Variants in CNTN3 observed in about 807,000 individuals in gnomAD.
The protein encoded by CNTN3 is contactin-3.
CNTN3 carries 60 observed loss-of-function variants against 119.1 expected under a neutral mutation model. The observed-to-expected ratio is 0.50, with a 90% confidence interval of 0.41 to 0.62. The LOEUF (loss-of-function observed/expected upper bound fraction) is 0.62. CNTN3 is among the 20% of genes least tolerant of loss of function. The pLI is 0.00. For missense variants in CNTN3, 1,101 were observed against 1,242.4 expected, an observed-to-expected ratio of 0.89 and a Z score of 1.71; for synonymous variants, 450 against 438.7, an observed-to-expected ratio of 1.03 and a Z score of -0.32.
At chr3:74,531,050 C>A (rs564882026) in intron 1 of CNTN3, among the ~76,000 whole-genome samples, 1 of 151,838 alleles carries the variant, frequency 6.6e-6, no homozygotes, top group African/African-American at 2.4e-5. Context: ...TTGGAATTAC[C>A]GAGTTAGGAG....
In CNTN3 at chr3:74,364,722, C is replaced by G. The variant is rs73841834; in HGVS notation, c.1084-126G>C. ...TTCTGAGAGTATTAGACAGGATGGC[C>G]TGAAATTTAACCTTTTCCTTATTTT... On this transcript the variant is annotated intron_variant, in intron 9 of 22. Transcript: ENST00000263665. 6.6e-4 allele frequency: 462 copies of G among 698,728 alleles called. No homozygotes were observed. The African/African-American group carries it at 7.5e-3, about 11-fold the overall frequency. 43.3% of individuals were successfully genotyped at this position (698,728 alleles called of 1,614,324 possible).
At chr3:74,424,696 TTCCTCATATTCCAAC>T in intron 5 of CNTN3, 134 bp downstream of exon 5, 2 of 697,244 alleles carry the variant, frequency 2.9e-6, no homozygotes, top group Non-Finnish European at 5.1e-6. Flanking sequence ...TTTTGTAGTG[TTCCTCATATTCCAAC>T]TCAGCAGACA....
At chr3:74,582,467 T>C (rs992373709) in intron 1 of CNTN3, among the ~76,000 whole-genome samples, 3 of 151,926 alleles carry the variant, frequency 2.0e-5, no homozygotes, top group African/African-American at 7.3e-5. Context: ...ATATTAGCAG[T>C]ACACTTTTAT....
intron 13 of CNTN3, among the ~76,000 whole-genome samples, chr3:74,320,468 T>C (rs1015021585): frequency 2.0e-5 from 3 of 151,428 alleles, no homozygotes; most frequent in Admixed American, 6.6e-5. Context: ...AATTGAACAA[T>C]GAGAACACAT....
chr3:74,286,468 T>A (rs78507002), intron 19 of CNTN3, among the ~76,000 whole-genome samples: 1 of 151,946 alleles, frequency 6.6e-6, no homozygotes, highest in Non-Finnish European at 1.5e-5. Flanking sequence ...ATTAAAAAAA[T>A]AAAATCAATG....
At chr3:74,603,589 CA>C (rs996614396) in intron 1 of CNTN3, among the ~76,000 whole-genome samples, 2 of 151,912 alleles carry the variant, frequency 1.3e-5, no homozygotes, top group Non-Finnish European at 2.9e-5. Flanking sequence ...TATACAACAA[CA>C]AAAAAGATAT....
rs1415839761 is a variant in CNTN3 at position 74,371,377 on chromosome 3, G to T, written c.477C>A (p.Phe159Leu). The change falls in exon 6 of 23, where the codon TTC becomes TTA. Residue 159 changes from phenylalanine to leucine, a missense_variant. Physicochemically the swap from Phe to Leu is conservative, Grantham distance 22. Transcript: ENST00000263665. Reference sequence around the variant, plus strand: ...CTTCAACAAACGATGGGTATTCATTGAAGATCCAAGCATATGACAGTTCTA... The same window carrying T: ...CTTCAACAAACGATGGGTATTCATTTAAGATCCAAGCATATGACAGTTCTA... ...HSGELSYAWIFNEYPSFVEED... is the reference protein window; with the variant it reads ...HSGELSYAWILNEYPSFVEED... 1 of 1,613,002 alleles carries T rather than the reference G, an allele frequency of 6.2e-7. No homozygotes were observed. Among genetic ancestry groups the T allele is most frequent in the Non-Finnish European group, 8.5e-7 (1 of 1,179,270 alleles).
chr3:74,285,390 C>A lies in CNTN3; in HGVS notation c.2619G>T (p.Leu873=). The part of the protein sequence containing the change: ...SARLRGLKSN[L]AYYTAVRAYN... Reference sequence around the variant, plus strand: ...AAGCCCGGACAGCCGTGTAATAGGCCAGGTTGCTCTTCAGGCCCCGTAGTC... The same window carrying A: ...AAGCCCGGACAGCCGTGTAATAGGCAAGGTTGCTCTTCAGGCCCCGTAGTC... Residue 873 remains leucine (L), a synonymous_variant, in exon 20 of 23, where the codon CTG becomes CTT. Transcript: ENST00000263665. 6.2e-7 allele frequency: 1 copy of A among 1,613,698 alleles called. No homozygotes were observed. Among genetic ancestry groups the A allele is most frequent in the Non-Finnish European group, 8.5e-7 (1 of 1,179,804 alleles).
intron 7 of CNTN3, among the ~76,000 whole-genome samples, chr3:74,369,615 A>T (rs1360607071): frequency 2.0e-5 from 3 of 151,588 alleles, no homozygotes; most frequent in Admixed American, 6.6e-5. Flanking sequence ...CAGACCCACC[A>T]TATTAGATTA....
chr3:74,503,908 C>T (rs1427861647), intron 2 of CNTN3, among the ~76,000 whole-genome samples: 1 of 151,956 alleles, frequency 6.6e-6, no homozygotes, highest in African/African-American at 2.4e-5. Flanking sequence ...GTTATTTTTC[C>T]CCCCTAACAC....
At chr3:74,518,468 G>C (rs914874620) in intron 2 of CNTN3, among the ~76,000 whole-genome samples, 1 of 151,860 alleles carries the variant, frequency 6.6e-6, no homozygotes, top group Non-Finnish European at 1.5e-5. Flanking sequence ...ATTACACTGT[G>C]TACAAATACT....
At chr3:74,546,398 G>A (rs1437209972) in intron 1 of CNTN3, among the ~76,000 whole-genome samples, 1 of 152,150 alleles carries the variant, frequency 6.6e-6, no homozygotes, top group Non-Finnish European at 1.5e-5. Flanking sequence ...TATCTGTGAG[G>A]GTGTTGCCAA....
In CNTN3 at chr3:74,280,999, G is replaced by A. The variant is rs546239823; in HGVS notation, c.2704+4306C>T. On this transcript the variant is annotated intron_variant, in intron 20 of 22. Transcript: ENST00000263665. ...CATTATGTGGGTATCTGGAGGAAGA[G>A]CTTTCGAGATACAGGAAACAGTACA... Among the ~76,000 whole-genome samples, 5 of 152,282 alleles carry A rather than the reference G, an allele frequency of 3.3e-5. No individual in the cohort carries two copies. The East Asian group carries it at 9.7e-4, about 29-fold the overall frequency.
At chr3:74,337,088 C>T (rs1703412851) in intron 11 of CNTN3, among the ~76,000 whole-genome samples, 2 of 152,058 alleles carry the variant, frequency 1.3e-5, no homozygotes, top group Admixed American at 6.6e-5. Flanking sequence ...ATATGAGAAA[C>T]GAGAAGCTGC....
At chr3:74,299,531 G>A (rs912656144) in intron 17 of CNTN3, among the ~76,000 whole-genome samples, 9 of 152,170 alleles carry the variant, frequency 5.9e-5, no homozygotes, top group Non-Finnish European at 1.2e-4. Flanking sequence ...AGGTGACCCT[G>A]AGCAAATTAT....
rs768284019 is a variant in CNTN3, at chr3:74,266,524, C to A, written c.2943G>T (p.Gly981=). The change falls in exon 22 of 23, where the codon GGG becomes GGT. Residue 981 remains glycine, a synonymous_variant. Coordinates refer to ENST00000263665, the MANE Select transcript of CNTN3 (RefSeq NM_020872.3). ...IIEVKATTDG[G]DGTSSEQIRI... Reference sequence around the variant, plus strand: ...TGATCTGTTCACTACTGGTCCCATCCCCTCCATCTGTTGTGGCCTTGACTT... The same window carrying A: ...TGATCTGTTCACTACTGGTCCCATCACCTCCATCTGTTGTGGCCTTGACTT... 6.8e-6 allele frequency: 11 copies of A among 1,613,444 alleles called. No individual in the cohort carries two copies. Among genetic ancestry groups the A allele is most frequent in the South Asian group, 1.1e-5 (1 of 91,064 alleles).
At chr3:74,409,460 C>T (rs1278902606) in intron 5 of CNTN3, among the ~76,000 whole-genome samples, 2 of 82,672 alleles carry the variant, frequency 2.4e-5, no homozygotes, top group African/African-American at 7.3e-5. Context: ...GCTGCCTGAT[C>T]CATGAATCAT....
At chr3:74,414,060 C>G (rs72898327) in intron 5 of CNTN3, among the ~76,000 whole-genome samples, 291 of 152,306 alleles carry the variant, frequency 1.9e-3, no homozygotes, top group African/African-American at 6.9e-3. Flanking sequence ...TCTCTGTGAG[C>G]ATCAGTGCAG....
chr3:74,432,235 C>A (rs1157323058), intron 4 of CNTN3, among the ~76,000 whole-genome samples: 1 of 152,024 alleles, frequency 6.6e-6, no homozygotes, highest in Non-Finnish European at 1.5e-5. Flanking sequence ...CCCAGAAAAG[C>A]AATCAAAATC....
Sources: gnomAD v4.1 joint callset for allele counts (sites outside exome capture counted in the v4.1 genomes callset) on GRCh38, gnomAD v4.1.1 for gene constraint, MANE v1.5 for transcripts, NCBI Gene and HGNC (gene_info 2026-07-23, HGNC 2026-07-21) for gene names.